PSMD1: variants seen among roughly 807,000 people sequenced by gnomAD.
The protein encoded by PSMD1 is 26S proteasome non-ATPase regulatory subunit 1.
PSMD1 carries 18 observed loss-of-function variants against 119.0 expected under a neutral mutation model. The ratio of observed to expected loss-of-function variants is 0.15; its 90% CI spans 0.10 to 0.22. The LOEUF (loss-of-function observed/expected upper bound fraction) is 0.22. Ranked by LOEUF, PSMD1 falls within the 10% of genes least tolerant of loss-of-function variation. PSMD1 has a pLI of 1.00. For missense variants in PSMD1, 702 were observed against 1,158.5 expected (o/e 0.61, Z 5.72); for synonymous variants, 374 against 396.6 (o/e 0.94, Z 0.68).
chr2:231,119,121 T>C (rs1050834016), intron 16 of PSMD1, among the ~76,000 whole-genome samples: 4 of 152,254 alleles, frequency 2.6e-5, no homozygotes, highest in African/African-American at 9.6e-5. Context: ...AGCATTTTAA[T>C]GCTTACAGAA....
At chr2:231,092,172 G>T (rs1694613126) in intron 16 of PSMD1, among the ~76,000 whole-genome samples, 2 of 152,284 alleles carry the variant, frequency 1.3e-5, no homozygotes, top group Non-Finnish European at 1.5e-5. Context: ...CTGGGACGGG[G>T]CATGTTCTCA....
intron 16 of PSMD1, among the ~76,000 whole-genome samples, chr2:231,103,114 A>T (rs1694907584): frequency 6.6e-6 from 1 of 152,240 alleles, no homozygotes; most frequent in South Asian, 2.1e-4. Flanking sequence ...TCTCCATAAT[A>T]TCCCAGATAG....
At chr2:231,135,366 G>T (rs749665575) in intron 16 of PSMD1, among the ~76,000 whole-genome samples, 1 of 152,172 alleles carries the variant, frequency 6.6e-6, no homozygotes, top group Non-Finnish European at 1.5e-5. Flanking sequence ...GAATTGTAAA[G>T]TTGGAACAGA....
intron 16 of PSMD1, among the ~76,000 whole-genome samples, chr2:231,111,736 T>C (rs1440479711): frequency 1.3e-5 from 2 of 152,228 alleles, no homozygotes; most frequent in Non-Finnish European, 2.9e-5. Flanking sequence ...GTAAGAGTTC[T>C]TAAGCCAACT....
At chr2:231,096,728 G>A (rs921073576) in intron 16 of PSMD1, among the ~76,000 whole-genome samples, 2 of 152,252 alleles carry the variant, frequency 1.3e-5, no homozygotes, top group Non-Finnish European at 2.9e-5. Flanking sequence ...AGGGGAAAGC[G>A]TTCTTATCCC....
At chr2:231,115,858 C>T (rs1695314219) in intron 16 of PSMD1, among the ~76,000 whole-genome samples, 1 of 152,132 alleles carries the variant, frequency 6.6e-6, no homozygotes, top group Admixed American at 6.6e-5. Flanking sequence ...TGGGTCTCAT[C>T]TCAGACCTAC....
At chr2:231,131,029 A>G (rs773798634) in intron 16 of PSMD1, among the ~76,000 whole-genome samples, 24 of 152,200 alleles carry the variant, frequency 1.6e-4, no homozygotes, top group Non-Finnish European at 3.1e-4. Flanking sequence ...TTCTCTCTTC[A>G]TCTCTTGCCT....
chr2:231,152,798 GA>G (rs1374699439), intron 18 of PSMD1, among the ~76,000 whole-genome samples: 3 of 152,038 alleles, frequency 2.0e-5, no homozygotes, highest in Admixed American at 1.3e-4. Context: ...GCACTGTTGG[GA>G]AAACAGAGAA....
intron 5 of PSMD1, among the ~76,000 whole-genome samples, chr2:231,067,319 A>G (rs1281856622): frequency 6.6e-6 from 1 of 152,208 alleles, no homozygotes; most frequent in Non-Finnish European, 1.5e-5. Context: ...CTTACCACAT[A>G]ATCCTTTGAA....
intron 23 of PSMD1, among the ~76,000 whole-genome samples, chr2:231,168,483 A>C (rs1696839123): frequency 6.6e-6 from 1 of 152,258 alleles, no homozygotes; most frequent in Non-Finnish European, 1.5e-5. Context: ...GGAAAGACTT[A>C]CTGATATATG....
At position 231,078,599 on chromosome 2, in the gene PSMD1, A is replaced by T. The variant is rs532833228; in HGVS notation, c.1072-60A>T. 3.2e-6 allele frequency: 4 copies of T among 1,237,796 alleles called. No homozygotes were observed. The African/African-American group carries it at 4.6e-5, about 14-fold the overall frequency. 76.7% of individuals were successfully genotyped at this position (1,237,796 alleles called of 1,614,324 possible). A position where few individuals can be genotyped will look rare whatever the true frequency, so the allele number is the denominator to read the frequency against. ...AATAGGACCTCTGACTGTGTGTGTG[A>T]GGGTGTGCATATATGAATACTTTGC... On this transcript the variant is annotated intron_variant, in intron 9 of 24. Transcript: ENST00000308696.
intron 16 of PSMD1, among the ~76,000 whole-genome samples, chr2:231,094,304 C>T (rs969988250): frequency 4.6e-5 from 7 of 152,028 alleles, no homozygotes; most frequent in Non-Finnish European, 1.0e-4. Context: ...AATTGGGTGG[C>T]TTGGTCAAGC....
At chr2:231,152,979 C>T (rs1171458315) in intron 18 of PSMD1, among the ~76,000 whole-genome samples, 1 of 152,116 alleles carries the variant, frequency 6.6e-6, no homozygotes, top group Non-Finnish European at 1.5e-5. Flanking sequence ...TACCAGTAAT[C>T]CCACCTTAAG....
chr2:231,056,927 G>C lies in PSMD1; in HGVS notation c.-99G>C. On this transcript the variant is annotated 5_prime_UTR_variant, in exon 1 of 25. Coordinates refer to ENST00000308696, the MANE Select transcript of PSMD1 (RefSeq NM_002807.4). ...CGACTGACTGAGCAGCGCACCCGGG[G>C]AGCAAGGAGGCGCGGTGAACTGAGC... The C allele has an allele frequency of 6.7e-7, 1 of 1,483,824 alleles. No homozygotes were observed. The highest frequency in any genetic ancestry group is 2.0e-4 in the Middle Eastern group (1 of 5,046). The allele number at this position is 1,483,824 out of a possible 1,614,324, so 91.9% of individuals were successfully genotyped here.
intron 7 of PSMD1, 151 bp from the exon 8 acceptor site, chr2:231,075,360 T>C: frequency 1.7e-6 from 1 of 589,114 alleles, no homozygotes; most frequent in Non-Finnish European, 2.9e-6. Context: ...GCCTCCATCT[T>C]AGAGATGTGT....
intron 16 of PSMD1, among the ~76,000 whole-genome samples, chr2:231,129,893 A>T (rs1437802702): frequency 6.6e-6 from 1 of 152,134 alleles, no homozygotes; most frequent in Non-Finnish European, 1.5e-5. Context: ...TCACTCTGTC[A>T]CCCAGGCTGG....
chr2:231,153,368 C>T, intron 18 of PSMD1, 196 bp from the exon 19 acceptor site: 2 of 537,366 alleles, frequency 3.7e-6, no homozygotes, highest in South Asian at 2.4e-5. Context: ...AGCTGGTGCT[C>T]CCACACTAAA....
chr2:231,127,007 T>G (rs1695738934), intron 16 of PSMD1, among the ~76,000 whole-genome samples: 1 of 152,068 alleles, frequency 6.6e-6, no homozygotes, highest in Non-Finnish European at 1.5e-5. Context: ...TCCATATCTT[T>G]TTACTCTTTA....
At chr2:231,082,693 G>A (rs1694340017) in intron 12 of PSMD1, among the ~76,000 whole-genome samples, 190 bp from the exon 13 acceptor site, 2 of 152,198 alleles carry the variant, frequency 1.3e-5, no homozygotes, top group Non-Finnish European at 2.9e-5. Context: ...CGACAAGAGC[G>A]AAACTACGTC....
Sources: gnomAD v4.1 joint callset for allele counts (sites outside exome capture counted in the v4.1 genomes callset) on GRCh38, gnomAD v4.1.1 for gene constraint, MANE v1.5 for transcripts, NCBI Gene and HGNC (gene_info 2026-07-23, HGNC 2026-07-21) for gene names.